Variants in ZNF320 observed in about 807,000 individuals in gnomAD.
The protein encoded by ZNF320 is zinc finger protein 320.
Under a neutral mutation model 6.8 loss-of-function variants are expected in ZNF320, and 2 were observed. The observed-to-expected ratio is 0.29, with a 90% CI of 0.12 to 0.93. The LOEUF is 0.93. Among genes scored for constraint, ZNF320 ranks in the 40% least tolerant of loss-of-function variants. The probability of loss-of-function intolerance (pLI) is 0.55; values close to 1 mark genes in which losing one functional copy is unlikely to be tolerated. For missense variants in ZNF320, 472 were observed against 611.0 expected (o/e 0.77, Z 2.40); for synonymous variants, 208 against 203.2 (o/e 1.02, Z -0.20).
At chr19:52,869,670 G>T (rs1015809330) in intron 5 of ZNF320, among the ~76,000 whole-genome samples, 5 of 152,050 alleles carry the variant, frequency 3.3e-5, no homozygotes, top group Non-Finnish European at 5.9e-5. Flanking sequence ...CTGAGTAGCT[G>T]GGATAACAGG....
chr19:52,889,421 C>T (rs1242679165), intron 4 of ZNF320, among the ~76,000 whole-genome samples: 16 of 151,808 alleles, frequency 1.1e-4, no homozygotes, highest in Admixed American at 1.1e-3. Context: ...CACTGTACTC[C>T]AGCGTGGGTG....
chr19:52,878,487 G>C lies in ZNF320; in HGVS notation c.*2109C>G, dbSNP rs897494727. ...GATTTTCTCGATCTCCTGACCTCGT[G>C]ATGCTCTTGCCTCGGCCTCCCAAAG... is the stretch of plus-strand genomic sequence containing the variant. On this transcript the variant is annotated 3_prime_UTR_variant, in exon 6 of 6. Coordinates refer to ENST00000682928, the MANE Select transcript of ZNF320 (RefSeq NM_001351774.2). 1 of 152,172 alleles carries C rather than the reference G, an allele frequency of 6.6e-6. No individual in the cohort carries two copies. The highest frequency in any genetic ancestry group is 1.5e-5 in the Non-Finnish European group (1 of 68,148). 9.4% of individuals were successfully genotyped at this position (152,172 alleles called of 1,614,324 possible).
In ZNF320 at chr19:52,868,640, T is replaced by G. The variant is rs184975081; in HGVS notation, c.224-4481A>C. Among the ~76,000 whole-genome samples the G allele has an allele frequency of 8.2e-3, 1,254 of 152,060 alleles. 16 individuals carry two copies. The highest frequency in any genetic ancestry group is 0.028 in the African/African-American group (1,152 of 41,468). Reference sequence around the variant, plus strand: ...GTAAGTGAGGGACAAACTTGATTCTTGGCCTGAAGGATCCCACGACATGTT... The same window carrying G: ...GTAAGTGAGGGACAAACTTGATTCTGGGCCTGAAGGATCCCACGACATGTT... On this transcript the variant is annotated intron_variant, in intron 5 of 5. Transcript: ENST00000673631.
At chr19:52,883,543 A>G (rs1355718526) in intron 5 of ZNF320, 3 of 444,880 alleles carry the variant, frequency 6.7e-6, no homozygotes, top group Admixed American at 2.5e-5. Context: ...ACTGAAATAC[A>G]TGTTAAAATC....
chr19:52,893,881 CA>C (rs2064388842), intron 1 of ZNF320, 25 bp from the exon 2 acceptor site: 1 of 152,080 alleles, frequency 6.6e-6, no homozygotes, highest in African/African-American at 2.4e-5. Context: ...GAAACTCCAT[CA>C]CCTCCACCCC....
chr19:52,866,146 ATATG>A lies in ZNF320; in HGVS notation c.224-1991_224-1988del, dbSNP rs1368103210. Among the ~76,000 whole-genome samples the A allele has an allele frequency of 3.5e-5, 2 of 56,956 alleles. 1 individual carries two copies. The highest frequency in any genetic ancestry group is 7.1e-5 in the Non-Finnish European group (2 of 28,136). The allele number at this position is 56,956 out of a possible 152,430, so 37.4% of individuals were successfully genotyped here. On this transcript the variant is annotated intron_variant, in intron 5 of 5. Transcript: ENST00000673631. ...TATGTATGATTATACATATATTTAT[ATATG>A]TATGATTATACATATATTTATATAT...
downstream of ZNF320, chr19:52,874,253 AT>A: frequency 5.6e-6 from 1 of 179,570 alleles, no homozygotes; most frequent in Non-Finnish European, 1.2e-5. Context: ...ATTTTGACCC[AT>A]TTTCAGATCT....
chr19:52,881,461 C>G lies in ZNF320; in HGVS notation c.665G>C (p.Cys222Ser). 1 of 1,614,158 alleles carries G rather than the reference C, an allele frequency of 6.2e-7. No homozygotes were observed. The highest frequency in any genetic ancestry group is 8.5e-7 in the Non-Finnish European group (1 of 1,180,026). ...RGDKHYTCNECGKVFDQKATL... is the reference protein window; with the variant it reads ...RGDKHYTCNESGKVFDQKATL... ...TGCTTTTTGATCAAAAACCTTGCCACATTCATTACATGTGTAATGTTTGTC... is the reference window on the plus strand; with the variant it reads ...TGCTTTTTGATCAAAAACCTTGCCAGATTCATTACATGTGTAATGTTTGTC... Residue 222 changes from cysteine to serine, a missense_variant, in exon 6 of 6, where the codon TGT (cysteine) becomes TCT (serine). Physicochemically the swap from Cys to Ser is moderately radical, Grantham distance 112. Transcript: ENST00000682928.
At chr19:52,902,157 A>G (rs769833615), upstream of ZNF320, among the ~76,000 whole-genome samples, 1 of 152,214 alleles carries the variant, frequency 6.6e-6, no homozygotes, top group Non-Finnish European at 1.5e-5. Context: ...TAAGCTCTTG[A>G]AAATTCTTAA....
upstream of ZNF320, among the ~76,000 whole-genome samples, chr19:52,900,746 T>C (rs1314366292): frequency 6.6e-6 from 1 of 152,036 alleles, no homozygotes. Flanking sequence ...GATGGGTTTG[T>C]GATTATCAAT....
In ZNF320 at chr19:52,880,775, T is replaced by G. The variant is rs1245304892; in HGVS notation, c.1351A>C (p.Asn451His). 5 of 1,613,942 alleles carry G rather than the reference T, an allele frequency of 3.1e-6. No individual in the cohort carries two copies. The highest frequency in any genetic ancestry group is 4.2e-6 in the Non-Finnish European group (5 of 1,179,858). Residue 451 changes from asparagine to histidine, a missense_variant, in exon 6 of 6, where the codon AAT becomes CAT. Physicochemically the swap from Asn to His is moderately conservative, Grantham distance 68. Coordinates refer to ENST00000682928, the MANE Select transcript of ZNF320 (RefSeq NM_001351774.2). ...HKCGDCGKAF[N>H]SPSHLIRHQR... is the part of the protein sequence containing the mutation. ...TGCCTAATAAGGTGTGAAGGTGAAT[T>G]AAAGGCTTTACCACAATCACCACAC... is the stretch of plus-strand genomic sequence containing the variant.
At chr19:52,873,655 G>A (rs563584197), downstream of ZNF320, among the ~76,000 whole-genome samples, 5 of 152,076 alleles carry the variant, frequency 3.3e-5, no homozygotes, top group Non-Finnish European at 4.4e-5. Context: ...CTCTGATCTG[G>A]TCCACAAAGA....
At position 52,878,603 on chromosome 19, in the gene ZNF320, C is replaced by T. The variant is rs1160472068; in HGVS notation, c.*1993G>A. On this transcript the variant is annotated 3_prime_UTR_variant, in exon 6 of 6. Transcript: ENST00000682928. ...CAACTTAAAATAAGTTTTCCATTTACAAACTGGTGATTTATTTTGGGAATC... is the reference window on the plus strand; with the variant it reads ...CAACTTAAAATAAGTTTTCCATTTATAAACTGGTGATTTATTTTGGGAATC... 6.6e-6 allele frequency: 1 copy of T among 152,142 alleles called. No homozygotes were observed. Among genetic ancestry groups the T allele is most frequent in the East Asian group, 1.9e-4 (1 of 5,188 alleles). 9.4% of individuals were successfully genotyped at this position (152,142 alleles called of 1,614,324 possible).
chr19:52,862,894 T>C (rs182241540), exon 6 of ZNF320: 4 of 285,772 alleles, frequency 1.4e-5, no homozygotes, highest in Admixed American at 1.3e-4. Context: ...ATTAGCTGGG[T>C]ATGGTGGATT....
At chr19:52,888,711 T>A (rs1296288570) in intron 4 of ZNF320, among the ~76,000 whole-genome samples, 2 of 152,102 alleles carry the variant, frequency 1.3e-5, no homozygotes, top group African/African-American at 4.8e-5. Context: ...TAATAAAACC[T>A]ACACAGACTG....
chr19:52,901,409 C>A (rs2064570770), upstream of ZNF320, among the ~76,000 whole-genome samples: 1 of 152,184 alleles, frequency 6.6e-6, no homozygotes, highest in Non-Finnish European at 1.5e-5. Context: ...GTGGACCAGT[C>A]AGCTTCCGGG....
upstream of ZNF320, among the ~76,000 whole-genome samples, chr19:52,898,786 A>G (rs547477896): frequency 6.6e-6 from 1 of 152,338 alleles, no homozygotes; most frequent in East Asian, 1.9e-4. Flanking sequence ...GAGTTTTACA[A>G]TGTTCTTCTA....
At chr19:52,860,535 G>A (rs1241565562), downstream of ZNF320, among the ~76,000 whole-genome samples, 6 of 147,438 alleles carry the variant, frequency 4.1e-5, no homozygotes, top group East Asian at 1.2e-3. Flanking sequence ...GGAGGCGGGG[G>A]TTGCAGTGAG....
chr19:52,896,114 C>G (rs1600663844), intron 1 of ZNF320, among the ~76,000 whole-genome samples: 1 of 152,116 alleles, frequency 6.6e-6, no homozygotes, highest in South Asian at 2.1e-4. Flanking sequence ...TTTTTTCAGA[C>G]GGAGTCTCGC....
Sources: allele counts gnomAD v4.1 joint callset (sites outside exome capture counted in the v4.1 genomes callset), GRCh38; gene constraint gnomAD v4.1.1; transcripts MANE v1.5; gene names NCBI Gene and HGNC (gene_info 2026-07-23, HGNC 2026-07-21).